MBLAC2: variants seen among roughly 807,000 people sequenced by gnomAD.
MBLAC2 encodes metallo-beta-lactamase domain containing 2, also known as acyl-coenzyme A thioesterase MBLAC2.
MBLAC2 carries 24 observed loss-of-function variants against 23.3 expected under a neutral mutation model. That is an observed-to-expected ratio of 1.03 (90% CI 0.75 to 1.45). The LOEUF is 1.45. MBLAC2 is among the 40% of genes most tolerant of loss of function. The pLI, the probability that MBLAC2 is intolerant of heterozygous loss-of-function variation, is 0.00. For missense variants in MBLAC2, 358 were observed against 370.0 expected, an observed-to-expected ratio of 0.97 and a Z score of 0.27; for synonymous variants, 162 against 150.9, an observed-to-expected ratio of 1.07 and a Z score of -0.54.
At chr5:90,471,302 G>A (rs1361137007) in intron 1 of MBLAC2, among the ~76,000 whole-genome samples, 1 of 152,058 alleles carries the variant, frequency 6.6e-6, no homozygotes, top group African/African-American at 2.4e-5. Flanking sequence ...ATAATATCTT[G>A]GTGACACTGG....
rs1273460030 is a variant in MBLAC2 at position 90,474,281 on chromosome 5, G to C, written c.12C>G (p.Leu4=). 2.5e-5 allele frequency: 41 copies of C among 1,613,012 alleles called. No individual in the cohort carries two copies. The highest frequency in any genetic ancestry group is 3.1e-5 in the Non-Finnish European group (37 of 1,179,742). Reference sequence around the variant, plus strand: ...CTAGAGACTTGTGGGCGTACCACTCGAGCGCCGACATGCTGGGCAGGGGTG... The same window carrying C: ...CTAGAGACTTGTGGGCGTACCACTCCAGCGCCGACATGCTGGGCAGGGGTG... MSA[L]EWYAHKSLGD... Residue 4 remains leucine (L), a synonymous_variant, in exon 1 of 2, where the codon CTC becomes CTG. Coordinates refer to ENST00000316610, the MANE Select transcript of MBLAC2 (RefSeq NM_203406.2).
In MBLAC2 at chr5:90,474,505, C is replaced by G. The variant is rs958358361; in HGVS notation, c.-213G>C. ...CGTAGCGTGCGCTCCCGCACCCTTC[C>G]GCCAGGTCGGCAGCAAGCAGAGGCT... On this transcript the variant is annotated 5_prime_UTR_variant, in exon 1 of 2. Coordinates refer to ENST00000316610, the MANE Select transcript of MBLAC2 (RefSeq NM_203406.2). The G allele has an allele frequency of 3.6e-6, 2 of 552,712 alleles. No homozygotes were observed. The highest frequency in any genetic ancestry group is 3.5e-5 in the Admixed American group (1 of 28,278). 34.2% of individuals were successfully genotyped at this position (552,712 alleles called of 1,614,324 possible).
chr5:90,469,126 C>G (rs1248966835), intron 1 of MBLAC2, among the ~76,000 whole-genome samples: 1 of 152,078 alleles, frequency 6.6e-6, no homozygotes, highest in African/African-American at 2.4e-5. Context: ...ACACCACACC[C>G]AGCTAATTTT....
intron 1 of MBLAC2, among the ~76,000 whole-genome samples, chr5:90,462,730 A>T (rs1750385828): frequency 6.6e-6 from 1 of 152,226 alleles, no homozygotes; most frequent in Non-Finnish European, 1.5e-5. Context: ...CCAAAAATAC[A>T]TGAAGCAAAA....
Position 90,474,241 on chromosome 5 carries a change from A to C in MBLAC2, c.52T>G (p.Trp18Gly). 1 of 1,613,620 alleles carries C rather than the reference A, an allele frequency of 6.2e-7. No individual in the cohort carries two copies. Among genetic ancestry groups the C allele is most frequent in the Non-Finnish European group, 8.5e-7 (1 of 1,179,818 alleles). ...GACTCGTAGAAACGTTCTTGAATCC[A>C]GAAGATACCATCGCCTAGAGACTTG... ...AHKSLGDGIF[W>G]IQERFYESGN... Residue 18 changes from tryptophan to glycine, a missense_variant, in exon 1 of 2, where the codon TGG becomes GGG. Transcript: ENST00000316610.
At chr5:90,461,900 A>G (rs1485353684) in intron 1 of MBLAC2, among the ~76,000 whole-genome samples, 1 of 152,220 alleles carries the variant, frequency 6.6e-6, no homozygotes, top group Non-Finnish European at 1.5e-5. Context: ...AGCTTTTATT[A>G]TATGAATGTA....
chr5:90,473,607 G>A (rs1750611277), intron 1 of MBLAC2: 3 of 669,818 alleles, frequency 4.5e-6, no homozygotes, highest in Admixed American at 2.6e-5. Context: ...TTTCAAAGGA[G>A]TACTCAGAAT....
intron 1 of MBLAC2, 85 bp downstream of exon 1, chr5:90,473,754 C>G: frequency 7.5e-7 from 1 of 1,327,456 alleles, no homozygotes; most frequent in Non-Finnish European, 1.1e-6. Context: ...TTTATGGCCA[C>G]GCAAGTCTGC....
chr5:90,461,974 C>T (rs1394455128), intron 1 of MBLAC2, among the ~76,000 whole-genome samples: 1 of 152,130 alleles, frequency 6.6e-6, no homozygotes, highest in Non-Finnish European at 1.5e-5. Flanking sequence ...GATCATGAAA[C>T]TTTTACTTTT....
rs747329199 is a variant in MBLAC2, at chr5:90,474,116, G to A, written c.177C>T (p.Ser59=). 40 of 1,581,150 alleles carry A rather than the reference G, an allele frequency of 2.5e-5. No individual in the cohort carries two copies. The highest frequency in any genetic ancestry group is 8.1e-5 in the African/African-American group (6 of 74,508). Residue 59 remains serine, a synonymous_variant, in exon 1 of 2, where the codon TCC becomes TCT. Coordinates refer to ENST00000316610, the MANE Select transcript of MBLAC2 (RefSeq NM_203406.2). ...GLRSLPEYLY[S]SGLLQDREAK... is the part of the protein sequence containing the mutation. ...CCTCTCGGTCCTGCAAGAGGCCGGA[G>A]GAGTACAGGTACTCCGGGAGGCTGC...
intron 1 of MBLAC2, 84 bp downstream of exon 1, chr5:90,473,755 G>C (rs965050985): frequency 3.0e-6 from 4 of 1,324,560 alleles, no homozygotes; most frequent in Middle Eastern, 1.8e-4. Flanking sequence ...TTATGGCCAC[G>C]CAAGTCTGCA....
Position 90,474,013 on chromosome 5 carries a change from G to T in MBLAC2, c.280C>A (p.Gln94Lys). Reference protein sequence around the residue: ...VHFDHSGGLYQFDRVAVHHAE... With the variant: ...VHFDHSGGLYKFDRVAVHHAE... The stretch of plus-strand genomic sequence containing the variant: ...TGGTGCACTGCCACGCGGTCGAACT[G>T]GTAGAGGCCGCCGGAGTGGTCGAAG... Residue 94 changes from glutamine to lysine, a missense_variant, in exon 1 of 2, where the codon CAG (glutamine) becomes AAG (lysine). Physicochemically the swap from Gln to Lys is moderately conservative, Grantham distance 53. Coordinates refer to ENST00000316610, the MANE Select transcript of MBLAC2 (RefSeq NM_203406.2). The T allele has an allele frequency of 6.3e-7, 1 of 1,596,930 alleles. No individual in the cohort carries two copies. The highest frequency in any genetic ancestry group is 8.5e-7 in the Non-Finnish European group (1 of 1,172,970).
chr5:90,473,429 C>T (rs146166058), intron 1 of MBLAC2: 1 of 518,444 alleles, frequency 1.9e-6, no homozygotes, highest in East Asian at 3.5e-5. Flanking sequence ...ATGACATGCA[C>T]TCTCCGTGAG....
In MBLAC2 at chr5:90,474,057, G is replaced by A. The variant is rs1467534588; in HGVS notation, c.236C>T (p.Ala79Val). Reference sequence around the variant, plus strand: ...GTCGAAGTGCACGTGGGTGGCCACGGCAAGCAGTGGCCGGCGCGCCGCGTC... The same window carrying A: ...GTCGAAGTGCACGTGGGTGGCCACGACAAGCAGTGGCCGGCGCGCCGCGTC... The part of the protein sequence containing the change: ...KEDAARRPLL[A>V]VATHVHFDHS... Residue 79 changes from alanine to valine, a missense_variant, in exon 1 of 2, where the codon GCC becomes GTC. Ala to Val is a moderately conservative substitution (Grantham distance 64). Transcript: ENST00000316610. 6.3e-7 allele frequency: 1 copy of A among 1,583,258 alleles called. No individual in the cohort carries two copies. Among genetic ancestry groups the A allele is most frequent in the Non-Finnish European group, 8.6e-7 (1 of 1,165,558 alleles).
chr5:90,459,701 T>A lies in MBLAC2; in HGVS notation c.*1466A>T, dbSNP rs1200227072. 1 of 152,280 alleles carries A rather than the reference T, an allele frequency of 6.6e-6. No homozygotes were observed. Among genetic ancestry groups the A allele is most frequent in the Non-Finnish European group, 1.5e-5 (1 of 67,972 alleles). The allele number at this position is 152,280 out of a possible 1,614,324, so 9.4% of individuals were successfully genotyped here. A position where few individuals can be genotyped will look rare whatever the true frequency, so the allele number is the denominator to read the frequency against. ...TTATAATGTTGTCTTTGACTTTTTT[T>A]AGCCTCCACAGTGTTTAGCGCTGTG... On this transcript the variant is annotated 3_prime_UTR_variant, in exon 2 of 2. Transcript: ENST00000316610.
chr5:90,466,224 T>C (rs1750443707), intron 1 of MBLAC2, among the ~76,000 whole-genome samples: 1 of 152,198 alleles, frequency 6.6e-6, no homozygotes, highest in South Asian at 2.1e-4. Context: ...CAATAGATAT[T>C]TGACAAAAGT....
chr5:90,461,689 G>A (rs917395755), intron 1 of MBLAC2, 137 bp from the exon 2 acceptor site: 12 of 888,424 alleles, frequency 1.4e-5, no homozygotes, highest in Non-Finnish European at 2.0e-5. Flanking sequence ...ATTTCTTAAT[G>A]ATGATTTAAA....
chr5:90,474,264 T>G lies in MBLAC2; in HGVS notation c.29A>C (p.Lys10Thr), dbSNP rs1483434525. The G allele has an allele frequency of 6.2e-7, 1 of 1,613,388 alleles. No homozygotes were observed. The highest frequency in any genetic ancestry group is 8.5e-7 in the Non-Finnish European group (1 of 1,179,832). Reference protein sequence around the residue: MSALEWYAHKSLGDGIFWIQ... With the variant: MSALEWYAHTSLGDGIFWIQ... ...CCAGAAGATACCATCGCCTAGAGAC[T>G]TGTGGGCGTACCACTCGAGCGCCGA... Residue 10 changes from lysine to threonine, a missense_variant, in exon 1 of 2, where the codon AAG becomes ACG. Lys to Thr is a moderately conservative substitution (Grantham distance 78). Coordinates refer to ENST00000316610, the MANE Select transcript of MBLAC2 (RefSeq NM_203406.2).
chr5:90,465,532 C>T (rs1273757795), intron 1 of MBLAC2, among the ~76,000 whole-genome samples: 1 of 152,122 alleles, frequency 6.6e-6, no homozygotes, highest in African/African-American at 2.4e-5. Context: ...GCTAATGGTG[C>T]TTGAAATAAA....
Sources: allele counts gnomAD v4.1 joint callset (sites outside exome capture counted in the v4.1 genomes callset), GRCh38; gene constraint gnomAD v4.1.1; transcripts MANE v1.5; gene names NCBI Gene and HGNC (gene_info 2026-07-23, HGNC 2026-07-21).